Variants in KAZN observed in about 807,000 individuals in gnomAD.
KAZN encodes kazrin.
In KAZN, 40 loss-of-function variants were observed where a neutral mutation model predicts 87.4. The observed-to-expected ratio is 0.46, with a 90% CI of 0.36 to 0.60. The LOEUF is 0.60. Among genes scored for constraint, KAZN ranks in the 20% least tolerant of loss-of-function variants. The pLI is 0.00. For missense variants in KAZN, 898 were observed against 1,073.9 expected, an observed-to-expected ratio of 0.84 and a Z score of 2.29; for synonymous variants, 466 against 458.3, an observed-to-expected ratio of 1.02 and a Z score of -0.22.
At chr1:15,105,460 T>C (rs1303482733) in intron 13 of KAZN, among the ~76,000 whole-genome samples, 1 of 152,236 alleles carries the variant, frequency 6.6e-6, no homozygotes, top group Non-Finnish European at 1.5e-5. Context: ...CAGTTGATCA[T>C]ATAATTTTTA....
intron 2 of KAZN, among the ~76,000 whole-genome samples, chr1:14,444,663 TG>T (rs1283780905): frequency 6.6e-6 from 1 of 152,084 alleles, no homozygotes; most frequent in Non-Finnish European, 1.5e-5. Context: ...CCCCGACGTC[TG>T]GGTAGAATCG....
intron 2 of KAZN, among the ~76,000 whole-genome samples, chr1:14,205,901 A>AAAAAAAAAAAAAAAAAAAAAAAAAAAAC (rs1557559778): frequency 1.7e-5 from 1 of 57,710 alleles, no homozygotes; most frequent in Non-Finnish European, 3.1e-5. Context: ...AAAAAAAAAA[A>AAAAAAAAAAAAAAAAAAAAAAAAAAAAC]AAAAAGCTAC....
chr1:14,027,263 T>G (rs1424657204), intron 1 of KAZN, among the ~76,000 whole-genome samples: 1 of 152,152 alleles, frequency 6.6e-6, no homozygotes, highest in Admixed American at 6.6e-5. Flanking sequence ...CTGGAATCCT[T>G]TGCCCACTGC....
At chr1:13,979,792 G>A (rs561757604) in intron 1 of KAZN, among the ~76,000 whole-genome samples, 42 of 152,090 alleles carry the variant, frequency 2.8e-4, no homozygotes, top group African/African-American at 8.7e-4. Flanking sequence ...TTAACCAGGC[G>A]TAGTGGCAGG....
chr1:14,434,493 T>C (rs1279851697), intron 2 of KAZN, among the ~76,000 whole-genome samples: 2 of 152,234 alleles, frequency 1.3e-5, no homozygotes, highest in Non-Finnish European at 2.9e-5. Context: ...ACATCATTTC[T>C]AGTGAATTAC....
intron 2 of KAZN, among the ~76,000 whole-genome samples, chr1:14,525,569 T>A (rs908553829): frequency 6.6e-6 from 1 of 151,878 alleles, no homozygotes; most frequent in African/African-American, 2.4e-5. Context: ...TTCAACAATT[T>A]AAAAATGCAA....
chr1:13,991,100 G>A (rs1253451286), intron 1 of KAZN, among the ~76,000 whole-genome samples: 1 of 152,096 alleles, frequency 6.6e-6, no homozygotes, highest in Non-Finnish European at 1.5e-5. Context: ...CGTGAAATCA[G>A]TGGTATGCTG....
At chr1:13,907,826 G>A (rs1009800297) in intron 1 of KAZN, among the ~76,000 whole-genome samples, 4 of 152,142 alleles carry the variant, frequency 2.6e-5, no homozygotes, top group Non-Finnish European at 4.4e-5. Flanking sequence ...TTCTCCCACC[G>A]CAACATTTTT....
chr1:14,868,571 G>A (rs1436999692), intron 1 of KAZN, among the ~76,000 whole-genome samples: 1 of 151,854 alleles, frequency 6.6e-6, no homozygotes, highest in African/African-American at 2.4e-5. Context: ...CTTTTCCACT[G>A]GGTGAACTGG....
intron 1 of KAZN, among the ~76,000 whole-genome samples, chr1:14,909,405 A>G (rs1373982733): frequency 2.0e-5 from 3 of 152,110 alleles, no homozygotes; most frequent in African/African-American, 7.2e-5. Context: ...AGTGTGCTGC[A>G]ATCTCCGCCT....
intron 2 of KAZN, among the ~76,000 whole-genome samples, chr1:14,319,440 A>T (rs555640222): frequency 6.6e-6 from 1 of 152,182 alleles, no homozygotes; most frequent in South Asian, 2.1e-4. Context: ...CTACACATAG[A>T]TGTGTAGAGA....
chr1:13,941,363 G>C (rs1640921301), intron 1 of KAZN, among the ~76,000 whole-genome samples: 2 of 151,982 alleles, frequency 1.3e-5, no homozygotes, highest in Admixed American at 1.3e-4. Context: ...CTATGTGCTG[G>C]AGATGAATAG....
intron 2 of KAZN, among the ~76,000 whole-genome samples, chr1:14,186,697 G>T (rs1029008455): frequency 1.3e-5 from 2 of 152,120 alleles, no homozygotes; most frequent in African/African-American, 2.4e-5. Flanking sequence ...GTGCAGACTG[G>T]TATTATTACC....
intron 2 of KAZN, among the ~76,000 whole-genome samples, chr1:14,362,044 G>A (rs1324023089): frequency 6.6e-6 from 1 of 152,182 alleles, no homozygotes; most frequent in Non-Finnish European, 1.5e-5. Flanking sequence ...CTGCCCAAAA[G>A]CCAGTGTATT....
chr1:14,319,870 A>G (rs1180332585), intron 2 of KAZN, among the ~76,000 whole-genome samples: 2 of 152,206 alleles, frequency 1.3e-5, no homozygotes, highest in African/African-American at 4.8e-5. Context: ...TCTTTATAGA[A>G]CACATGTTTA....
intron 2 of KAZN, among the ~76,000 whole-genome samples, chr1:14,201,394 C>T (rs1646636271): frequency 2.0e-5 from 3 of 152,304 alleles, no homozygotes; most frequent in South Asian, 4.2e-4. Context: ...TCCAGAGCAT[C>T]GGACAGTCCC....
intron 1 of KAZN, among the ~76,000 whole-genome samples, chr1:14,078,350 G>T (rs1284126736): frequency 6.6e-6 from 1 of 152,168 alleles, no homozygotes; most frequent in Non-Finnish European, 1.5e-5. Context: ...GCAGCAACAG[G>T]CATTTAATAA....
At chr1:14,899,793 G>A (rs994278601) in intron 1 of KAZN, among the ~76,000 whole-genome samples, 16 of 152,048 alleles carry the variant, frequency 1.1e-4, no homozygotes, top group South Asian at 4.1e-4. Flanking sequence ...CCGCTCCCTC[G>A]GGGGATGTGA....
intron 2 of KAZN, among the ~76,000 whole-genome samples, chr1:14,390,975 G>C (rs1013492374): frequency 6.6e-6 from 1 of 152,234 alleles, no homozygotes; most frequent in African/African-American, 2.4e-5. Context: ...CCATTGTGAA[G>C]ATATTGGCTT....
Sources: gnomAD v4.1 joint callset for allele counts (sites outside exome capture counted in the v4.1 genomes callset) on GRCh38, gnomAD v4.1.1 for gene constraint, MANE v1.5 for transcripts, NCBI Gene and HGNC (gene_info 2026-07-23, HGNC 2026-07-21) for gene names.